CLSTN2: variants seen among roughly 807,000 people sequenced by gnomAD.
CLSTN2 encodes the protein calsyntenin-2.
In CLSTN2, 48 loss-of-function variants were observed where a neutral mutation model predicts 101.2. That is an observed-to-expected ratio of 0.47 (90% CI 0.38 to 0.60). The LOEUF is 0.60. Ranked by LOEUF, CLSTN2 falls within the 20% of genes least tolerant of loss-of-function variation. The probability of loss-of-function intolerance (pLI) is 0.00; values close to 1 mark genes in which losing one functional copy is unlikely to be tolerated. For synonymous variants in CLSTN2, 481 were observed against 463.6 expected (o/e 1.04, Z -0.48); for missense variants, 1,160 against 1,238.2 (o/e 0.94, Z 0.95).
chr3:140,017,090 T>A (rs1168881772), intron 1 of CLSTN2, among the ~76,000 whole-genome samples: 3 of 152,204 alleles, frequency 2.0e-5, no homozygotes, highest in Non-Finnish European at 2.9e-5. Flanking sequence ...TGTCTTTCAG[T>A]TACATGCCTG....
At chr3:140,129,633 G>A (rs997788470) in intron 1 of CLSTN2, among the ~76,000 whole-genome samples, 17 of 152,160 alleles carry the variant, frequency 1.1e-4, no homozygotes, top group African/African-American at 3.9e-4. Context: ...TGTCTCTGCA[G>A]CATCTAGCAA....
At chr3:140,526,184 A>T (rs1326774810) in intron 8 of CLSTN2, among the ~76,000 whole-genome samples, 1 of 152,004 alleles carries the variant, frequency 6.6e-6, no homozygotes, top group Non-Finnish European at 1.5e-5. Context: ...AACCCTAAAG[A>T]CTCTGCCAAA....
At chr3:140,142,656 C>T (rs1170712271) in intron 1 of CLSTN2, among the ~76,000 whole-genome samples, 2 of 152,258 alleles carry the variant, frequency 1.3e-5, no homozygotes, top group South Asian at 4.2e-4. Flanking sequence ...TGTCATTCTG[C>T]CTTTATCTGG....
At chr3:139,936,640 T>C (rs893506464) in intron 1 of CLSTN2, among the ~76,000 whole-genome samples, 1 of 152,110 alleles carries the variant, frequency 6.6e-6, no homozygotes, top group African/African-American at 2.4e-5. Context: ...ACCACTAGCT[T>C]AGGGGAGGAA....
chr3:140,001,396 CT>C (rs1404498021), intron 1 of CLSTN2, among the ~76,000 whole-genome samples: 2 of 151,950 alleles, frequency 1.3e-5, no homozygotes, highest in East Asian at 1.9e-4. Context: ...TTCCAAATGC[CT>C]TTTAAAACTT....
chr3:139,965,534 A>G (rs1935580739), intron 1 of CLSTN2, among the ~76,000 whole-genome samples: 1 of 152,210 alleles, frequency 6.6e-6, no homozygotes, highest in South Asian at 2.1e-4. Flanking sequence ...AGAGAAGGGT[A>G]AATGGCAATG....
intron 1 of CLSTN2, among the ~76,000 whole-genome samples, chr3:140,146,011 G>T (rs1487486462): frequency 1.3e-5 from 2 of 152,286 alleles, no homozygotes; most frequent in East Asian, 1.9e-4. Context: ...TGGACATGGG[G>T]TCATAAAATG....
At chr3:140,417,492 T>A (rs2107987784) in intron 4 of CLSTN2, among the ~76,000 whole-genome samples, 1 of 152,290 alleles carries the variant, frequency 6.6e-6, no homozygotes, top group African/African-American at 2.4e-5. Context: ...TAAATTCTAC[T>A]AGAAGAGTGT....
chr3:140,326,302 C>T (rs1251332092), intron 2 of CLSTN2, among the ~76,000 whole-genome samples: 1 of 152,192 alleles, frequency 6.6e-6, no homozygotes, highest in African/African-American at 2.4e-5. Context: ...ATAGGGAAGA[C>T]TTCTGGATGT....
intron 2 of CLSTN2, among the ~76,000 whole-genome samples, chr3:140,210,282 A>G (rs17342743): frequency 0.022 from 3,298 of 152,292 alleles, 46 homozygotes; most frequent in Non-Finnish European, 0.032. Flanking sequence ...ACTAAAACCA[A>G]TTCTCACATC....
At chr3:140,271,283 G>C (rs1376393661) in intron 2 of CLSTN2, among the ~76,000 whole-genome samples, 1 of 152,120 alleles carries the variant, frequency 6.6e-6, no homozygotes, top group South Asian at 2.1e-4. Flanking sequence ...AGGGCAAGTG[G>C]CAGATTATTT....
At chr3:139,953,273 C>A (rs1438570419) in intron 1 of CLSTN2, among the ~76,000 whole-genome samples, 1 of 152,164 alleles carries the variant, frequency 6.6e-6, no homozygotes, top group Admixed American at 6.5e-5. Flanking sequence ...ATCCTCTCCC[C>A]TACAGGATTG....
At chr3:140,378,588 C>G (rs2087945401) in intron 2 of CLSTN2, among the ~76,000 whole-genome samples, 2 of 152,224 alleles carry the variant, frequency 1.3e-5, no homozygotes, top group Admixed American at 1.3e-4. Context: ...CCTAGGCTTA[C>G]TTGTTGGCAC....
At chr3:140,230,088 T>A (rs2086357126) in intron 2 of CLSTN2, among the ~76,000 whole-genome samples, 1 of 151,978 alleles carries the variant, frequency 6.6e-6, no homozygotes, top group South Asian at 2.1e-4. Context: ...GGGTAAGACT[T>A]GTAAAGTAGA....
chr3:140,045,636 C>T (rs1020347210), intron 1 of CLSTN2, among the ~76,000 whole-genome samples: 8 of 152,186 alleles, frequency 5.3e-5, no homozygotes, highest in African/African-American at 1.9e-4. Context: ...ATCTTTCCTG[C>T]TTTCTCTTGT....
At chr3:140,405,662 A>G (rs962105000) in intron 4 of CLSTN2, among the ~76,000 whole-genome samples, 2 of 152,198 alleles carry the variant, frequency 1.3e-5, no homozygotes, top group African/African-American at 2.4e-5. Context: ...CTATAAAGCC[A>G]TTTGGACATT....
chr3:140,343,982 C>T (rs924385131), intron 2 of CLSTN2, among the ~76,000 whole-genome samples: 3 of 152,154 alleles, frequency 2.0e-5, no homozygotes, highest in Middle Eastern at 3.2e-3. Flanking sequence ...AGGCAGTCCC[C>T]GCCCCAAGCC....
At chr3:140,532,793 A>G (rs1935284947) in intron 9 of CLSTN2, among the ~76,000 whole-genome samples, 1 of 152,124 alleles carries the variant, frequency 6.6e-6, no homozygotes, top group Non-Finnish European at 1.5e-5. Flanking sequence ...CAATGCAGAG[A>G]AAAAAACAGT....
chr3:140,328,898 G>A (rs1000198302), intron 2 of CLSTN2, among the ~76,000 whole-genome samples: 7 of 152,096 alleles, frequency 4.6e-5, no homozygotes, highest in African/African-American at 9.7e-5. Flanking sequence ...ACTTTACTCC[G>A]CATTTTCTAA....
Sources: gnomAD v4.1 joint callset for allele counts (sites outside exome capture counted in the v4.1 genomes callset) on GRCh38, gnomAD v4.1.1 for gene constraint, MANE v1.5 for transcripts, NCBI Gene and HGNC (gene_info 2026-07-23, HGNC 2026-07-21) for gene names.